Variants in FLRT1 observed in about 807,000 individuals in gnomAD.
The protein encoded by FLRT1 is leucine-rich repeat transmembrane protein FLRT1.
A neutral mutation model predicts 30.9 loss-of-function variants in FLRT1; 14 were observed. That is an observed-to-expected ratio of 0.45 (90% CI 0.30 to 0.71). The LOEUF (loss-of-function observed/expected upper bound fraction) is 0.71. FLRT1 is among the 30% of genes least tolerant of loss of function. The pLI, the probability that FLRT1 is intolerant of heterozygous loss-of-function variation, is 0.08. For missense variants in FLRT1, 737 were observed against 949.2 expected, an observed-to-expected ratio of 0.78 and a Z score of 2.94; for synonymous variants, 368 against 430.4, an observed-to-expected ratio of 0.85 and a Z score of 1.80.
chr11:64,102,901 T>C (rs1339379462), intron 1 of FLRT1, among the ~76,000 whole-genome samples: 1 of 151,836 alleles, frequency 6.6e-6, no homozygotes, highest in Non-Finnish European at 1.5e-5. Flanking sequence ...ACCCCATCTC[T>C]ACTAAAATTA....
chr11:64,088,871 G>T (rs1166051427), intron 1 of FLRT1, among the ~76,000 whole-genome samples: 2 of 152,188 alleles, frequency 1.3e-5, no homozygotes, highest in Non-Finnish European at 2.9e-5. Flanking sequence ...ATCGCAGGCG[G>T]AATCGGGTGT....
At chr11:64,074,000 T>C (rs1944156443) in intron 1 of FLRT1, among the ~76,000 whole-genome samples, 1 of 152,134 alleles carries the variant, frequency 6.6e-6, no homozygotes, top group African/African-American at 2.4e-5. Context: ...CAGAGGCGTC[T>C]GGCCAGGCCC....
In FLRT1 at chr11:64,118,409, T is replaced by C; in HGVS notation, c.*117T>C. The stretch of plus-strand genomic sequence containing the variant: ...GGAAGAGAAATTCCATGGGTGACTT[T>C]CCTCCGCAGAAAGCAAAGTTTGGGG... On this transcript the variant is annotated 3_prime_UTR_variant, in exon 3 of 3. Transcript: ENST00000682287. 1 of 1,291,528 alleles carries C rather than the reference T, an allele frequency of 7.7e-7. No individual in the cohort carries two copies. Among genetic ancestry groups the C allele is most frequent in the Non-Finnish European group, 1.0e-6 (1 of 982,206 alleles). 80.0% of individuals were successfully genotyped at this position (1,291,528 alleles called of 1,614,324 possible).
chr11:64,109,501 G>T (rs991955611), intron 2 of FLRT1, among the ~76,000 whole-genome samples: 1 of 152,324 alleles, frequency 6.6e-6, no homozygotes, highest in East Asian at 1.9e-4. Flanking sequence ...GGCTGCAGAG[G>T]GGGTGGAAAG....
At chr11:64,078,757 C>T (rs990185803) in intron 1 of FLRT1, among the ~76,000 whole-genome samples, 5 of 148,046 alleles carry the variant, frequency 3.4e-5, no homozygotes, top group Non-Finnish European at 1.5e-5. Flanking sequence ...AGACAGGCCA[C>T]AAGGAAACCC....
rs529968933 is a variant in FLRT1 at position 64,089,855 on chromosome 11, G to A, written c.-1037-13339G>A. On this transcript the variant is annotated intron_variant, in intron 1 of 2. Coordinates refer to ENST00000682287, the MANE Select transcript of FLRT1 (RefSeq NM_013280.5). ...CTGCCCCCAGGGAAAGAATGAGGAG[G>A]ATGATGGTGCTGGAGTCGAGACCAG... Among the ~76,000 whole-genome samples the A allele has an allele frequency of 1.4e-4, 22 of 152,322 alleles. 1 individual carries two copies. The South Asian group carries it at 4.1e-3, about 29-fold the overall frequency.
At chr11:64,084,463 C>A (rs1382520257) in intron 1 of FLRT1, among the ~76,000 whole-genome samples, 4 of 152,214 alleles carry the variant, frequency 2.6e-5, no homozygotes, top group Non-Finnish European at 2.9e-5. Context: ...GAGGCAGCAG[C>A]AAAGAGGCAG....
intron 2 of FLRT1, among the ~76,000 whole-genome samples, chr11:64,109,500 G>T (rs547372590): frequency 4.6e-5 from 7 of 152,312 alleles, no homozygotes; most frequent in African/African-American, 1.4e-4. Flanking sequence ...GGGCTGCAGA[G>T]GGGGTGGAAA....
intron 1 of FLRT1, among the ~76,000 whole-genome samples, chr11:64,063,700 C>A (rs1565215583): frequency 6.6e-6 from 1 of 152,184 alleles, no homozygotes; most frequent in Non-Finnish European, 1.5e-5. Context: ...AAGGGACACA[C>A]CTCAGCGGGT....
At chr11:64,109,645 C>T (rs764443033) in intron 2 of FLRT1, among the ~76,000 whole-genome samples, 5 of 152,162 alleles carry the variant, frequency 3.3e-5, no homozygotes, top group Non-Finnish European at 5.9e-5. Flanking sequence ...CCCCGGACTC[C>T]TCCACCCTGC....
chr11:64,076,072 TG>T (rs1161756874), intron 1 of FLRT1, among the ~76,000 whole-genome samples: 1 of 152,204 alleles, frequency 6.6e-6, no homozygotes, highest in African/African-American at 2.4e-5. Context: ...AGCCTCCTGG[TG>T]GATCCAGCCT....
chr11:64,054,049 G>A (rs1380018167), intron 1 of FLRT1, among the ~76,000 whole-genome samples: 1 of 152,152 alleles, frequency 6.6e-6, no homozygotes, highest in African/African-American at 2.4e-5. Flanking sequence ...CCCTGGCCCT[G>A]GTGGCAGCAA....
In FLRT1 at chr11:64,114,429, TTGAATGGA is replaced by T. The variant is rs1321475455; in HGVS notation, c.-49-1787_-49-1780del. 3.9e-4 allele frequency among the ~76,000 whole-genome samples: 25 copies of T among 63,906 alleles called. No homozygotes were observed. In the South Asian group the frequency reaches 5.7e-3, roughly 15 times the overall value. 41.9% of individuals were successfully genotyped at this position (63,906 alleles called of 152,430 possible). A position where few individuals can be genotyped will look rare whatever the true frequency, so the allele number is the denominator to read the frequency against. Reference sequence around the variant, plus strand: ...GATGCATGGATGGATGGAGGGATGGTTGAATGGATGGATGGATGGATGAATGGATGGAT... The same window carrying T: ...GATGCATGGATGGATGGAGGGATGGTTGGATGGATGGATGAATGGATGGAT... On this transcript the variant is annotated intron_variant, in intron 2 of 2. Coordinates refer to ENST00000682287, the MANE Select transcript of FLRT1 (RefSeq NM_013280.5).
chr11:64,040,830 C>T (rs1943470723), intron 1 of FLRT1, among the ~76,000 whole-genome samples: 1 of 151,998 alleles, frequency 6.6e-6, no homozygotes, highest in African/African-American at 2.4e-5. Flanking sequence ...GGCCCCGGAC[C>T]CGGCTGTATG....
chr11:64,045,418 G>C (rs1372945798), intron 1 of FLRT1, among the ~76,000 whole-genome samples: 2 of 152,252 alleles, frequency 1.3e-5, no homozygotes, highest in Non-Finnish European at 2.9e-5. Flanking sequence ...AGGGAAAGGG[G>C]TGAAGAGCGC....
intron 1 of FLRT1, among the ~76,000 whole-genome samples, chr11:64,085,088 A>C (rs1944370741): frequency 6.6e-6 from 1 of 152,206 alleles, no homozygotes; most frequent in Non-Finnish European, 1.5e-5. Flanking sequence ...ATCCCCCAAC[A>C]TATCAGTAGG....
intron 1 of FLRT1, among the ~76,000 whole-genome samples, chr11:64,049,995 A>G (rs966288586): frequency 7.9e-5 from 12 of 152,226 alleles, no homozygotes; most frequent in Non-Finnish European, 1.6e-4. Context: ...CCTGGATGCC[A>G]TATTATAAAT....
Position 64,067,500 on chromosome 11 carries a change from G to A in FLRT1, c.-1038+31341G>A, listed in dbSNP as rs1207693885. ...GAAGGGAGGAGATAGGTCGGGGACG[G>A]GGACAGACGGCACCTCCCCAACTCC... On this transcript the variant is annotated intron_variant, in intron 1 of 2. Coordinates refer to ENST00000682287, the MANE Select transcript of FLRT1 (RefSeq NM_013280.5). The surrounding 1 kb of genome is among the most constrained non-coding windows in gnomAD (Gnocchi z 4.6). Among the ~76,000 whole-genome samples, 1 of 152,084 alleles carries A rather than the reference G, an allele frequency of 6.6e-6. No homozygotes were observed. Among genetic ancestry groups the A allele is most frequent in the Non-Finnish European group, 1.5e-5 (1 of 67,998 alleles).
intron 1 of FLRT1, among the ~76,000 whole-genome samples, chr11:64,088,570 TC>T (rs1211615196): frequency 6.6e-6 from 1 of 151,960 alleles, no homozygotes; most frequent in African/African-American, 2.4e-5. Flanking sequence ...AGTGTGTTTC[TC>T]CTGGCCTGGA....
Sources: allele counts gnomAD v4.1 joint callset (sites outside exome capture counted in the v4.1 genomes callset), GRCh38; gene constraint gnomAD v4.1.1; non-coding constraint Gnocchi (gnomAD v3.1); transcripts MANE v1.5; gene names NCBI Gene and HGNC (gene_info 2026-07-23, HGNC 2026-07-21).